Variants in PARN observed in about 807,000 individuals in gnomAD.
PARN encodes the protein poly(A)-specific ribonuclease PARN.
Under a neutral mutation model 102.8 loss-of-function variants are expected in PARN, and 71 were observed. The observed-to-expected ratio is 0.69, with a 90% CI of 0.57 to 0.84. The LOEUF (loss-of-function observed/expected upper bound fraction) is 0.84. PARN is among the 40% of genes least tolerant of loss of function. The probability of loss-of-function intolerance (pLI) is 0.00; values close to 1 mark genes in which losing one functional copy is unlikely to be tolerated. For missense variants in PARN, 782 were observed against 760.9 expected, an observed-to-expected ratio of 1.03 and a Z score of -0.33; for synonymous variants, 261 against 252.9, an observed-to-expected ratio of 1.03 and a Z score of -0.30.
intron 21 of PARN, among the ~76,000 whole-genome samples, chr16:14,502,220 G>A (rs1964659331): frequency 1.3e-5 from 2 of 152,212 alleles, no homozygotes; most frequent in Non-Finnish European, 2.9e-5. Context: ...GGGGCAAGGG[G>A]TGGGGACGCT....
At chr16:14,596,194 T>C (rs1970498866) in intron 12 of PARN, among the ~76,000 whole-genome samples, 1 of 152,054 alleles carries the variant, frequency 6.6e-6, no homozygotes, top group Admixed American at 6.6e-5. Context: ...GGAGAAGTCA[T>C]TCATTCCATA....
intron 21 of PARN, among the ~76,000 whole-genome samples, chr16:14,494,190 T>C (rs1284941811): frequency 6.6e-6 from 1 of 152,196 alleles, no homozygotes; most frequent in African/African-American, 2.4e-5. Context: ...AACCAGTCTC[T>C]CATGGACATT....
chr16:14,564,859 A>G (rs1011519691), intron 18 of PARN, among the ~76,000 whole-genome samples: 3 of 152,150 alleles, frequency 2.0e-5, no homozygotes, highest in Non-Finnish European at 4.4e-5. Context: ...TTTCTCAAAA[A>G]AGAGATTTCC....
At chr16:14,481,185 T>C (rs1963360884) in intron 22 of PARN, among the ~76,000 whole-genome samples, 1 of 152,098 alleles carries the variant, frequency 6.6e-6, no homozygotes, top group Admixed American at 6.5e-5. Flanking sequence ...TACTGAAACA[T>C]TCACAGCAGC....
intron 11 of PARN, among the ~76,000 whole-genome samples, chr16:14,603,157 C>T (rs1203270889): frequency 2.0e-5 from 3 of 152,012 alleles, no homozygotes; most frequent in East Asian, 3.9e-4. Flanking sequence ...CTACTGAGCT[C>T]AAAGTGATCC....
At chr16:14,520,590 T>C (rs1023647222) in intron 21 of PARN, among the ~76,000 whole-genome samples, 15 of 151,686 alleles carry the variant, frequency 9.9e-5, no homozygotes, top group South Asian at 4.2e-4. Flanking sequence ...TCCCAACTAC[T>C]AGGGAGGCTG....
intron 5 of PARN, among the ~76,000 whole-genome samples, chr16:14,618,732 AC>A (rs1972095250): frequency 6.6e-6 from 1 of 151,984 alleles, no homozygotes; most frequent in African/African-American, 2.4e-5. Flanking sequence ...TGATCGCTTG[AC>A]TGTTGCAGTA....
intron 22 of PARN, among the ~76,000 whole-genome samples, chr16:14,478,850 C>T (rs946703714): frequency 3.3e-5 from 5 of 152,154 alleles, no homozygotes; most frequent in African/African-American, 7.2e-5. Context: ...GGCGTGATCT[C>T]GGCTCACTGC....
chr16:14,444,911 T>TGGGCTCAAGCGATCCTCCC (rs1351298848), intron 23 of PARN, among the ~76,000 whole-genome samples: 1 of 152,026 alleles, frequency 6.6e-6, no homozygotes, highest in Non-Finnish European at 1.5e-5. Flanking sequence ...TCAAAACTCC[T>TGGGCTCAAGCGATCCTCCC]GGGCTCAAGC....
In PARN at chr16:14,482,688, G is replaced by C; in HGVS notation, c.1620C>G (p.Asn540Lys). ...SWKEADSKRL[N>K]PQCIPYTLQN... ...GCAGGGTGTAGGGTATGCACTGGGG[G>C]TTTAACCGTTTGCTGTCAGCCTCCT... is the stretch of plus-strand genomic sequence containing the variant. The change falls in exon 22 of 24, where the codon AAC becomes AAG. Residue 540 changes from asparagine (N) to lysine (K), a missense_variant. By Grantham distance (94) the Asn-to-Lys change is moderately conservative (BLOSUM62 0). Coordinates refer to ENST00000437198, the MANE Select transcript of PARN (RefSeq NM_002582.4). 1 of 1,613,830 alleles carries C rather than the reference G, an allele frequency of 6.2e-7. No individual in the cohort carries two copies. Among genetic ancestry groups the C allele is most frequent in the South Asian group, 1.1e-5 (1 of 91,058 alleles).
At chr16:14,499,949 C>CA (rs2095220940) in intron 21 of PARN, among the ~76,000 whole-genome samples, 1 of 152,190 alleles carries the variant, frequency 6.6e-6, no homozygotes, top group African/African-American at 2.4e-5. Flanking sequence ...TTAAAATTCT[C>CA]AATGACCTGA....
chr16:14,539,354 C>T (rs974387901), intron 21 of PARN, among the ~76,000 whole-genome samples: 9 of 152,208 alleles, frequency 5.9e-5, no homozygotes, highest in African/African-American at 2.2e-4. Context: ...CGCTTTAATG[C>T]TGTATCAAGG....
At chr16:14,573,163 G>A (rs554499273) in intron 18 of PARN, among the ~76,000 whole-genome samples, 29 of 152,240 alleles carry the variant, frequency 1.9e-4, no homozygotes, top group Non-Finnish European at 4.0e-4. Context: ...TTATAGGCAT[G>A]AGCCACCATG....
At chr16:14,608,972 G>T in intron 8 of PARN, 86 bp downstream of exon 8, 1 of 708,932 alleles carries the variant, frequency 1.4e-6, no homozygotes. Flanking sequence ...TTATAAAGCT[G>T]TTTTTAAAAG....
At chr16:14,585,617 A>G (rs1969805060) in intron 14 of PARN, among the ~76,000 whole-genome samples, 1 of 152,190 alleles carries the variant, frequency 6.6e-6, no homozygotes, top group Admixed American at 6.5e-5. Flanking sequence ...ACTGACTTGA[A>G]GTGGATGAAA....
intron 20 of PARN, 91 bp from the exon 21 acceptor site, chr16:14,552,186 C>T: frequency 2.5e-6 from 2 of 786,796 alleles, no homozygotes; most frequent in East Asian, 5.1e-5. Flanking sequence ...TCAGTATAGT[C>T]TATCTTTAAA....
intron 18 of PARN, among the ~76,000 whole-genome samples, chr16:14,572,684 C>T (rs1420750529): frequency 6.6e-6 from 1 of 152,178 alleles, no homozygotes; most frequent in Non-Finnish European, 1.5e-5. Context: ...ACCAATGTGA[C>T]ACAATCATCA....
Position 14,436,465 on chromosome 16 carries a change from GT to G in PARN, c.*251del. 1.8e-6 allele frequency: 1 copy of G among 543,820 alleles called. No individual in the cohort carries two copies. The highest frequency in any genetic ancestry group is 1.9e-5 in the African/African-American group (1 of 52,954). 33.7% of individuals were successfully genotyped at this position (543,820 alleles called of 1,614,324 possible). On this transcript the variant is annotated 3_prime_UTR_variant, in exon 24 of 24. Transcript: ENST00000437198. ...CACAAGAGCAACACGGAATTCACTGGTTAAGCACGTACACATTCATGACAGC... is the reference window on the plus strand; with the variant it reads ...CACAAGAGCAACACGGAATTCACTGGTAAGCACGTACACATTCATGACAGC...
intron 22 of PARN, among the ~76,000 whole-genome samples, chr16:14,472,233 T>G (rs1002214342): frequency 6.6e-6 from 1 of 152,374 alleles, no homozygotes; most frequent in Admixed American, 6.5e-5. Context: ...TCCTGGTTAA[T>G]CATTCTATTT....
Sources: allele counts gnomAD v4.1 joint callset (sites outside exome capture counted in the v4.1 genomes callset), GRCh38; gene constraint gnomAD v4.1.1; transcripts MANE v1.5; gene names NCBI Gene and HGNC (gene_info 2026-07-23, HGNC 2026-07-21).